NRG3: variants seen among roughly 807,000 people sequenced by gnomAD.
NRG3 encodes pro-neuregulin-3, membrane-bound isoform.
Under a neutral mutation model 66.9 loss-of-function variants are expected in NRG3, and 31 were observed. The ratio of observed to expected loss-of-function variants is 0.46; its 90% CI spans 0.35 to 0.63. The LOEUF (loss-of-function observed/expected upper bound fraction) is 0.63. NRG3 is among the 20% of genes least tolerant of loss of function. The pLI is 0.00. For synonymous variants in NRG3, 393 were observed against 359.4 expected (o/e 1.09, Z -1.06); for missense variants, 910 against 878.9 (o/e 1.04, Z -0.45).
intron 3 of NRG3, among the ~76,000 whole-genome samples, chr10:82,858,091 C>T (rs573849875): frequency 6.6e-6 from 1 of 152,308 alleles, no homozygotes; most frequent in East Asian, 1.9e-4. Context: ...CTCCTTCCTG[C>T]TGCCATATTC....
At chr10:82,742,300 A>T (rs757745847) in intron 3 of NRG3, among the ~76,000 whole-genome samples, 1 of 152,166 alleles carries the variant, frequency 6.6e-6, no homozygotes, top group Non-Finnish European at 1.5e-5. Flanking sequence ...TGGTGCAAGG[A>T]TGTCACTGTG....
intron 2 of NRG3, among the ~76,000 whole-genome samples, chr10:82,708,082 T>A (rs1370285148): frequency 6.6e-6 from 1 of 152,050 alleles, no homozygotes; most frequent in East Asian, 1.9e-4. Context: ...TGTTAGTGTG[T>A]TTTTTGATTG....
chr10:82,176,922 C>T (rs894602058), intron 1 of NRG3, among the ~76,000 whole-genome samples: 9 of 143,424 alleles, frequency 6.3e-5, no homozygotes, highest in Non-Finnish European at 9.3e-5. Context: ...CACACACACT[C>T]GGAGGGTTTT....
chr10:82,370,105 A>T (rs1411968986), intron 2 of NRG3, among the ~76,000 whole-genome samples: 1 of 138,936 alleles, frequency 7.2e-6, no homozygotes, highest in African/African-American at 3.3e-5. Flanking sequence ...AGTGTTAATC[A>T]GCTCAGTGGA....
intron 3 of NRG3, among the ~76,000 whole-genome samples, chr10:82,758,800 A>G (rs2059182046): frequency 6.6e-6 from 1 of 151,978 alleles, no homozygotes; most frequent in Admixed American, 6.6e-5. Context: ...TCTTGCCAAT[A>G]CTGTGTATAC....
chr10:82,660,544 G>T (rs2052275456), intron 2 of NRG3, among the ~76,000 whole-genome samples: 1 of 152,132 alleles, frequency 6.6e-6, no homozygotes, highest in African/African-American at 2.4e-5. Context: ...AAGTGGCAGT[G>T]CTAATAGCCA....
chr10:82,699,941 C>A (rs1035045795), intron 2 of NRG3, among the ~76,000 whole-genome samples: 2 of 151,932 alleles, frequency 1.3e-5, no homozygotes, highest in African/African-American at 2.4e-5. Context: ...TTGGTCTATG[C>A]ATTGACTCAG....
chr10:82,234,701 T>C (rs757017017), intron 1 of NRG3, among the ~76,000 whole-genome samples: 1 of 152,210 alleles, frequency 6.6e-6, no homozygotes, highest in African/African-American at 2.4e-5. Context: ...AGGGACAGCA[T>C]CGTAAAAGTT....
At chr10:81,936,713 G>T (rs1847908455) in intron 1 of NRG3, among the ~76,000 whole-genome samples, 1 of 152,074 alleles carries the variant, frequency 6.6e-6, no homozygotes, top group African/African-American at 2.4e-5. Context: ...CTATAGTCAG[G>T]GTATGGGCCT....
chr10:82,405,435 C>A (rs1285710551), intron 2 of NRG3, among the ~76,000 whole-genome samples: 2 of 146,460 alleles, frequency 1.4e-5, no homozygotes, highest in Non-Finnish European at 1.5e-5. Context: ...CCTTTTCTAT[C>A]TTTGGAATGA....
chr10:82,984,887 C>A, intron 8 of NRG3: 1 of 1,383,310 alleles, frequency 7.2e-7, no homozygotes, highest in Non-Finnish European at 1.0e-6. Flanking sequence ...CTCAGTCTGT[C>A]ACTTATTTTC....
At chr10:82,876,730 A>T (rs371651498) in intron 4 of NRG3, among the ~76,000 whole-genome samples, 1 of 152,214 alleles carries the variant, frequency 6.6e-6, no homozygotes, top group East Asian at 1.9e-4. Context: ...TTAGAAAGTA[A>T]TTCTCAGAGA....
chr10:82,319,055 A>C (rs992040654), intron 1 of NRG3, among the ~76,000 whole-genome samples: 1 of 152,216 alleles, frequency 6.6e-6, no homozygotes, highest in South Asian at 2.1e-4. Flanking sequence ...GAGAACAAAA[A>C]CCCACCAAAT....
intron 2 of NRG3, among the ~76,000 whole-genome samples, chr10:82,608,552 G>A (rs2048109812): frequency 6.6e-6 from 1 of 152,102 alleles, no homozygotes; most frequent in African/African-American, 2.4e-5. Flanking sequence ...TATTGTTGTG[G>A]TGGTAAATTG....
At chr10:82,813,364 C>A (rs937946955) in intron 3 of NRG3, among the ~76,000 whole-genome samples, 6 of 151,912 alleles carry the variant, frequency 3.9e-5, no homozygotes, top group Non-Finnish European at 8.8e-5. Flanking sequence ...CAGGCATCCA[C>A]CACCACACCT....
In NRG3 at chr10:82,431,678, C is replaced by A. The variant is rs574568722; in HGVS notation, c.953+72810C>A. Among the ~76,000 whole-genome samples the A allele has an allele frequency of 3.1e-3, 474 of 152,090 alleles. 5 individuals are homozygous for A. The highest frequency in any genetic ancestry group is 0.011 in the African/African-American group (453 of 41,502). On this transcript the variant is annotated intron_variant, in intron 2 of 8. Transcript: ENST00000372141. ...TTTATAAAAGGGGTTAATTTTTGGCCTACTCACAAATATCTTTGCTAAATT... is the reference window on the plus strand; with the variant it reads ...TTTATAAAAGGGGTTAATTTTTGGCATACTCACAAATATCTTTGCTAAATT...
In NRG3 at chr10:81,994,392, A is replaced by T. The variant is rs545605739; in HGVS notation, c.823+118229A>T. ...AAAGTTTAAATAAGATATTGTGTTAAGCTGAAAGGTAATATTTAAAAAAAT... is the reference window on the plus strand; with the variant it reads ...AAAGTTTAAATAAGATATTGTGTTATGCTGAAAGGTAATATTTAAAAAAAT... On this transcript the variant is annotated intron_variant, in intron 1 of 8. Transcript: ENST00000372141. 2.0e-4 allele frequency among the ~76,000 whole-genome samples: 30 copies of T among 152,268 alleles called. No individual in the cohort carries two copies. In the South Asian group the frequency reaches 6.2e-3, roughly 32 times the overall value.
chr10:82,034,729 C>T (rs2062721178), intron 1 of NRG3, among the ~76,000 whole-genome samples: 1 of 151,932 alleles, frequency 6.6e-6, no homozygotes, highest in Non-Finnish European at 1.5e-5. Context: ...TCTTTAAATC[C>T]TTCATGGTTG....
Position 82,810,438 on chromosome 10 carries a change from G to C in NRG3, c.1028-54973G>C, listed in dbSNP as rs200613642. On this transcript the variant is annotated intron_variant, in intron 3 of 8. Coordinates refer to ENST00000372141, the MANE Select transcript of NRG3 (RefSeq NM_001010848.4). ...TTTTTGCTTAAAATGGACTGGATTA[G>C]TATGTGACTAAAGACAAACAGATCA... Among the ~76,000 whole-genome samples the C allele has an allele frequency of 2.0e-5, 3 of 152,034 alleles. No homozygotes were observed. In the East Asian group the frequency reaches 5.8e-4, roughly 29 times the overall value.
Sources: gnomAD v4.1 joint callset for allele counts (sites outside exome capture counted in the v4.1 genomes callset) on GRCh38, gnomAD v4.1.1 for gene constraint, MANE v1.5 for transcripts, NCBI Gene and HGNC (gene_info 2026-07-23, HGNC 2026-07-21) for gene names.